Variants in MAPKAP1 observed in about 807,000 individuals in gnomAD.
MAPKAP1 encodes the protein target of rapamycin complex 2 subunit MAPKAP1.
MAPKAP1 carries 20 observed loss-of-function variants against 65.7 expected under a neutral mutation model. The ratio of observed to expected loss-of-function variants is 0.30; its 90% CI spans 0.21 to 0.44. The LOEUF (loss-of-function observed/expected upper bound fraction) is 0.44. Ranked by LOEUF, MAPKAP1 falls within the 20% of genes least tolerant of loss-of-function variation. MAPKAP1 has a pLI of 1.00. For missense variants in MAPKAP1, 423 were observed against 648.0 expected, an observed-to-expected ratio of 0.65 and a Z score of 3.77; for synonymous variants, 222 against 244.3, an observed-to-expected ratio of 0.91 and a Z score of 0.85.
chr9:125,576,064 G>C (rs1383510696), intron 5 of MAPKAP1, among the ~76,000 whole-genome samples: 1 of 152,174 alleles, frequency 6.6e-6, no homozygotes, highest in Non-Finnish European at 1.5e-5. Context: ...ACTGCTAAGT[G>C]AAAAAAGCTA....
chr9:125,681,040 A>T (rs1834807707), intron 1 of MAPKAP1, among the ~76,000 whole-genome samples: 1 of 152,226 alleles, frequency 6.6e-6, no homozygotes, highest in Admixed American at 6.5e-5. Context: ...CAGCCACTTC[A>T]GGAGGTAGGC....
At chr9:125,615,086 C>T (rs1832708034) in intron 4 of MAPKAP1, among the ~76,000 whole-genome samples, 1 of 152,054 alleles carries the variant, frequency 6.6e-6, no homozygotes, top group Admixed American at 6.5e-5. Context: ...AAGAAATCAA[C>T]TACATTTCTA....
At chr9:125,504,348 A>C (rs562498910) in intron 8 of MAPKAP1, among the ~76,000 whole-genome samples, 6 of 152,372 alleles carry the variant, frequency 3.9e-5, no homozygotes, top group African/African-American at 1.4e-4. Flanking sequence ...AGGTACTTAT[A>C]ACTGGTTGCA....
chr9:125,505,136 C>T (rs1829100103), intron 8 of MAPKAP1, among the ~76,000 whole-genome samples: 1 of 152,024 alleles, frequency 6.6e-6, no homozygotes, highest in Non-Finnish European at 1.5e-5. Flanking sequence ...TTGCTTGAGA[C>T]CAAGAGTTTG....
intron 1 of MAPKAP1, among the ~76,000 whole-genome samples, chr9:125,688,381 G>A (rs182792492): frequency 6.6e-6 from 1 of 152,212 alleles, no homozygotes; most frequent in Non-Finnish European, 1.5e-5. Context: ...CAGGTGATCT[G>A]CCGGCCTCGG....
chr9:125,609,601 C>T (rs1255151607), intron 4 of MAPKAP1, among the ~76,000 whole-genome samples: 1 of 152,170 alleles, frequency 6.6e-6, no homozygotes, highest in Non-Finnish European at 1.5e-5. Context: ...CTTGCCTCTG[C>T]CTCCTGAATA....
intron 4 of MAPKAP1, among the ~76,000 whole-genome samples, chr9:125,611,491 A>C (rs1302186292): frequency 6.6e-6 from 1 of 152,248 alleles, no homozygotes; most frequent in Non-Finnish European, 1.5e-5. Flanking sequence ...AGAGAAAAGA[A>C]TAACTGGTTC....
chr9:125,444,517 T>C lies in MAPKAP1; in HGVS notation c.1427A>G (p.Asn476Ser), dbSNP rs555771876. The change falls in exon 11 of 12, where the codon AAT (asparagine) becomes AGT (serine). Residue 476 changes from asparagine to serine, a missense_variant. This residue lies in a region of MAPKAP1 where 185 missense variants were observed against 268.1 expected (regional missense o/e 0.69). Transcript: ENST00000265960. ...AATACTCACCTTGAGCACAATTTCA[T>C]TGACGGTAGCAGCGTCCGATTCAAA... ...LYFESDAATV[N>S]EIVLKVNYIL... is the part of the protein sequence containing the mutation. 7.4e-6 allele frequency: 12 copies of C among 1,612,984 alleles called. No individual in the cohort carries two copies. The East Asian group carries it at 1.1e-4, about 15-fold the overall frequency.
rs536166298 is a variant in MAPKAP1 at position 125,458,805 on chromosome 9, G to A, written c.1345+9167C>T. Among the ~76,000 whole-genome samples the A allele has an allele frequency of 1.1e-3, 152 of 141,516 alleles. 1 individual carries two copies. The highest frequency in any genetic ancestry group is 3.9e-3 in the African/African-American group (145 of 37,566). 92.8% of individuals were successfully genotyped at this position (141,516 alleles called of 152,430 possible). A position where few individuals can be genotyped will look rare whatever the true frequency, so the allele number is the denominator to read the frequency against. On this transcript the variant is annotated intron_variant, in intron 10 of 11. Coordinates refer to ENST00000265960, the MANE Select transcript of MAPKAP1 (RefSeq NM_001006617.3). ...CCAGAAGGGGCGGCCGGGCAGAGGCGCCCCTCACCTCCCGGACGGGGCGGC... is the reference window on the plus strand; with the variant it reads ...CCAGAAGGGGCGGCCGGGCAGAGGCACCCCTCACCTCCCGGACGGGGCGGC...
chr9:125,604,460 T>C (rs996613261), intron 4 of MAPKAP1, among the ~76,000 whole-genome samples: 3 of 152,210 alleles, frequency 2.0e-5, no homozygotes, highest in Non-Finnish European at 4.4e-5. Context: ...TCATGTTTTA[T>C]TCCAGCTCCC....
intron 4 of MAPKAP1, among the ~76,000 whole-genome samples, chr9:125,644,486 T>C (rs1444653640): frequency 1.3e-5 from 2 of 152,246 alleles, no homozygotes; most frequent in Non-Finnish European, 2.9e-5. Flanking sequence ...AAAGAATTAT[T>C]AGCACCATTA....
intron 10 of MAPKAP1, among the ~76,000 whole-genome samples, chr9:125,445,921 G>GGTCAC (rs1852696478): frequency 6.6e-6 from 1 of 151,930 alleles, no homozygotes; most frequent in Non-Finnish European, 1.5e-5. Context: ...AGGAGCAGCA[G>GGTCAC]GTGACATCTC....
chr9:125,624,323 C>T (rs1211566028), intron 4 of MAPKAP1, among the ~76,000 whole-genome samples: 1 of 23,928 alleles, frequency 4.2e-5, no homozygotes, highest in African/African-American at 8.9e-5. Flanking sequence ...CCGCCCCGTC[C>T]GGGAAGGAGG....
intron 1 of MAPKAP1, among the ~76,000 whole-genome samples, chr9:125,678,312 T>G (rs1834715680): frequency 6.6e-6 from 1 of 151,854 alleles, no homozygotes; most frequent in Non-Finnish European, 1.5e-5. Context: ...TGGCTATCTC[T>G]GCTCACTGCA....
chr9:125,521,165 T>G (rs1230065508), intron 7 of MAPKAP1, among the ~76,000 whole-genome samples: 11 of 152,064 alleles, frequency 7.2e-5, no homozygotes, highest in African/African-American at 1.9e-4. Flanking sequence ...AGGCAGAGAG[T>G]GTGCTTGAAG....
chr9:125,696,609 G>GA (rs138798138), intron 1 of MAPKAP1, among the ~76,000 whole-genome samples: 3,040 of 145,310 alleles, frequency 0.021, 156 homozygotes, highest in East Asian at 0.15. Flanking sequence ...ATGCATATAT[G>GA]AAAAAAAAAA....
chr9:125,601,302 G>C (rs1355830191), intron 4 of MAPKAP1, among the ~76,000 whole-genome samples: 1 of 151,972 alleles, frequency 6.6e-6, no homozygotes, highest in African/African-American at 2.4e-5. Context: ...AATATTGAAG[G>C]AAATAATCCA....
chr9:125,554,679 C>T (rs1004680278), intron 6 of MAPKAP1, among the ~76,000 whole-genome samples: 1 of 151,286 alleles, frequency 6.6e-6, no homozygotes, highest in Non-Finnish European at 1.5e-5. Flanking sequence ...GCCTGTAGTT[C>T]CAGCTACTTG....
chr9:125,504,183 C>T (rs1179747680), intron 8 of MAPKAP1, among the ~76,000 whole-genome samples: 2 of 152,106 alleles, frequency 1.3e-5, no homozygotes, highest in African/African-American at 4.8e-5. Flanking sequence ...ATGAGGACTC[C>T]CTTTGAAACA....
Sources: gnomAD v4.1 joint callset for allele counts (sites outside exome capture counted in the v4.1 genomes callset) on GRCh38, gnomAD v4.1.1 for gene constraint, gnomAD v4.1.1 regional missense constraint, MANE v1.5 for transcripts, NCBI Gene and HGNC (gene_info 2026-07-23, HGNC 2026-07-21) for gene names.